C13orf46: variants seen among roughly 807,000 people sequenced by gnomAD.
The protein encoded by C13orf46 is uncharacterized protein C13orf46.
chr13:113,962,165 A>T (rs2052592450), intron 6 of C13orf46, among the ~76,000 whole-genome samples: 1 of 152,206 alleles, frequency 6.6e-6, no homozygotes, highest in South Asian at 2.1e-4. Context: ...GCACATCGGG[A>T]GGCTGAGGCA....
the C13orf46 span, among the ~76,000 whole-genome samples, chr13:113,948,422 A>T: frequency 6.6e-6 from 1 of 152,266 alleles, no homozygotes; most frequent in African/African-American, 2.4e-5. Flanking sequence ...TACATGAGAA[A>T]GTTAACCAGG....
At chr13:113,960,333 T>A (rs1362116085) in intron 6 of C13orf46, among the ~76,000 whole-genome samples, 1 of 152,196 alleles carries the variant, frequency 6.6e-6, no homozygotes, top group Non-Finnish European at 1.5e-5. Flanking sequence ...CACCACAAAG[T>A]TTCCTTAAAG....
At chr13:113,945,680 A>AGAAAGGAAAG in the C13orf46 span, among the ~76,000 whole-genome samples, 41 of 92,656 alleles carry the variant, frequency 4.4e-4, no homozygotes, top group Non-Finnish European at 6.3e-4. Flanking sequence ...AAGGAAAGAA[A>AGAAAGGAAAG]AACAAACCAA....
downstream of C13orf46, among the ~76,000 whole-genome samples, chr13:113,949,006 T>A (rs1018647070): frequency 7.9e-3 from 1,208 of 152,286 alleles, 14 homozygotes; most frequent in African/African-American, 0.028. Flanking sequence ...GAACCAACCA[T>A]GTAATTAGAG....
intron 6 of C13orf46, among the ~76,000 whole-genome samples, chr13:113,960,580 ACT>A (rs1452865840): frequency 5.3e-5 from 8 of 152,170 alleles, no homozygotes; most frequent in African/African-American, 1.9e-4. Flanking sequence ...TCCAGTTCTA[ACT>A]CTGCTGTTTA....
chr13:113,959,818 T>C (rs2052573424), intron 6 of C13orf46, among the ~76,000 whole-genome samples: 1 of 152,246 alleles, frequency 6.6e-6, no homozygotes, highest in South Asian at 2.1e-4. Flanking sequence ...TAAAAAGAAG[T>C]GTAGGACAAA....
At chr13:113,950,003 G>A (rs1173470261), downstream of C13orf46, among the ~76,000 whole-genome samples, 50 of 130,364 alleles carry the variant, frequency 3.8e-4, no homozygotes, top group East Asian at 7.3e-4. Flanking sequence ...TGGGGTCCTC[G>A]CCCCCTGCCT....
At chr13:113,971,727 G>A (rs1196200370) in intron 1 of C13orf46, among the ~76,000 whole-genome samples, 1 of 152,208 alleles carries the variant, frequency 6.6e-6, no homozygotes, top group Non-Finnish European at 1.5e-5. Context: ...GGTGCACGTG[G>A]CACTGGGCAT....
At chr13:113,935,844 C>T in the C13orf46 span, among the ~76,000 whole-genome samples, 1 of 152,240 alleles carries the variant, frequency 6.6e-6, no homozygotes, top group African/African-American at 2.4e-5. Flanking sequence ...CCTGTGCCCC[C>T]AGGGGCCATG....
intron 6 of C13orf46, among the ~76,000 whole-genome samples, chr13:113,957,359 C>A (rs1192788236): frequency 1.5e-4 from 21 of 138,830 alleles, no homozygotes; most frequent in Admixed American, 9.3e-4. Flanking sequence ...TCTGCATGCA[C>A]CCCCTTTCAT....
chr13:113,934,024 T>C, the C13orf46 span, among the ~76,000 whole-genome samples: 8 of 152,156 alleles, frequency 5.3e-5, no homozygotes, highest in African/African-American at 1.9e-4. Context: ...TCGAGATGCA[T>C]GACCGTCCAT....
downstream of C13orf46, among the ~76,000 whole-genome samples, chr13:113,952,630 C>A (rs919958926): frequency 3.9e-5 from 6 of 152,218 alleles, no homozygotes; most frequent in Non-Finnish European, 5.9e-5. Flanking sequence ...CACTGGCCGG[C>A]CCTAGAAAGC....
intron 1 of C13orf46, among the ~76,000 whole-genome samples, chr13:113,973,466 T>C (rs1006026977): frequency 1.3e-5 from 2 of 152,140 alleles, no homozygotes; most frequent in Non-Finnish European, 2.9e-5. Flanking sequence ...GTGTGTTCAG[T>C]GAAAGGCTGA....
chr13:113,943,702 G>A, the C13orf46 span, among the ~76,000 whole-genome samples: 1 of 152,202 alleles, frequency 6.6e-6, no homozygotes, highest in African/African-American at 2.4e-5. Flanking sequence ...AGATGGTTGG[G>A]AACCTTAGTG....
the C13orf46 span, among the ~76,000 whole-genome samples, chr13:113,943,028 G>C: frequency 6.6e-6 from 1 of 152,226 alleles, no homozygotes; most frequent in Non-Finnish European, 1.5e-5. Flanking sequence ...TCGGGTCCCT[G>C]GGCCCTGACA....
chr13:113,963,497 G>A lies in C13orf46; in HGVS notation c.572+1430C>T, dbSNP rs910892710. On this transcript the variant is annotated intron_variant, in intron 6 of 6. Coordinates refer to ENST00000636427, the MANE Select transcript of C13orf46 (RefSeq NM_001365455.2). ...TCAGCCTCAGCCCGTCCTCAGCCTC[G>A]GCCCCTGTCCTCAGCCTCGCCCCTG... is the stretch of plus-strand genomic sequence containing the variant. 5.1e-4 allele frequency among the ~76,000 whole-genome samples: 63 copies of A among 123,346 alleles called. 1 individual carries two copies. Among genetic ancestry groups the A allele is most frequent in the Non-Finnish European group, 8.3e-4 (51 of 61,298 alleles). 80.9% of individuals were successfully genotyped at this position (123,346 alleles called of 152,430 possible). A position where few individuals can be genotyped will look rare whatever the true frequency, so the allele number is the denominator to read the frequency against.
In C13orf46 at chr13:113,956,641, C is replaced by G. The variant is rs2052537100; in HGVS notation, c.*132G>C. On this transcript the variant is annotated 3_prime_UTR_variant, in exon 7 of 7. Coordinates refer to ENST00000636427, the MANE Select transcript of C13orf46 (RefSeq NM_001365455.2). Reference sequence around the variant, plus strand: ...AAGAAGAAAACAGAAACCTCAGTGCCTGGCAGAGAAGGCTCTTGGGCGGCA... The same window carrying G: ...AAGAAGAAAACAGAAACCTCAGTGCGTGGCAGAGAAGGCTCTTGGGCGGCA... 1 of 152,400 alleles carries G rather than the reference C, an allele frequency of 6.6e-6. No homozygotes were observed. The highest frequency in any genetic ancestry group is 2.1e-4 in the South Asian group (1 of 4,842). 9.4% of individuals were successfully genotyped at this position (152,400 alleles called of 1,614,324 possible).
At chr13:113,957,261 G>A (rs2052544326) in intron 6 of C13orf46, among the ~76,000 whole-genome samples, 1 of 129,426 alleles carries the variant, frequency 7.7e-6, no homozygotes, top group African/African-American at 3.1e-5. Flanking sequence ...CACTCTGCAT[G>A]CACCTCCTTT....
At chr13:113,930,410 A>AGGAGCACCGAGGCGGGGGCGCG in the C13orf46 span, among the ~76,000 whole-genome samples, 16 of 115,002 alleles carry the variant, frequency 1.4e-4, no homozygotes, top group Non-Finnish European at 2.4e-4. Flanking sequence ...GCGGGGGCGC[A>AGGAGCACCGAGGCGGGGGCGCG]GGAGCACCGA....
Sources: gnomAD v4.1 joint callset for allele counts (sites outside exome capture counted in the v4.1 genomes callset) on GRCh38, gnomAD v4.1.1 for gene constraint, MANE v1.5 for transcripts, NCBI Gene and HGNC (gene_info 2026-07-23, HGNC 2026-07-21) for gene names.